The following SNTG1 variants were observed in gnomAD, a reference collection of about 807,000 sequenced individuals.
SNTG1 encodes the protein syntrophin gamma 1.
SNTG1 carries 39 observed loss-of-function variants against 74.7 expected under a neutral mutation model. The observed-to-expected ratio is 0.52, with a 90% confidence interval of 0.40 to 0.68. SNTG1 has a LOEUF of 0.68. Ranked by LOEUF, SNTG1 falls within the 30% of genes least tolerant of loss-of-function variation. The probability of loss-of-function intolerance (pLI) is 0.00; values close to 1 mark genes in which losing one functional copy is unlikely to be tolerated. For synonymous variants in SNTG1, 254 were observed against 217.1 expected (o/e 1.17, Z -1.49); for missense variants, 685 against 609.5 (o/e 1.12, Z -1.30).
chr8:50,766,238 C>A (rs1008914064), intron 18 of SNTG1, among the ~76,000 whole-genome samples: 2 of 151,986 alleles, frequency 1.3e-5, no homozygotes, highest in Non-Finnish European at 2.9e-5. Flanking sequence ...GTCAAATTTT[C>A]TATTTCTTGC....
At chr8:50,454,571 G>T (rs1349355162) in intron 8 of SNTG1, among the ~76,000 whole-genome samples, 3 of 152,004 alleles carry the variant, frequency 2.0e-5, no homozygotes, top group African/African-American at 7.2e-5. Flanking sequence ...GCAGGGCGTG[G>T]TGGCTCACGC....
chr8:50,366,502 T>C (rs923177193), intron 2 of SNTG1, among the ~76,000 whole-genome samples: 48 of 152,086 alleles, frequency 3.2e-4, no homozygotes, highest in African/African-American at 1.1e-3. Context: ...GAAAAATTCA[T>C]AATCCTGAGT....
At chr8:49,954,712 A>G (rs963448560) in intron 1 of SNTG1, among the ~76,000 whole-genome samples, 1 of 152,148 alleles carries the variant, frequency 6.6e-6, no homozygotes, top group Admixed American at 6.5e-5. Context: ...CATTATTATA[A>G]GTCCAGAGTT....
At chr8:50,438,737 T>G (rs1772663229) in intron 5 of SNTG1, 138 bp downstream of exon 5, 2 of 636,100 alleles carry the variant, frequency 3.1e-6, no homozygotes, top group South Asian at 4.1e-5. Flanking sequence ...GGGATGTAAA[T>G]TAGGTAGGTT....
chr8:49,990,584 A>G (rs1023035402), intron 1 of SNTG1, among the ~76,000 whole-genome samples: 2 of 152,078 alleles, frequency 1.3e-5, no homozygotes, highest in Admixed American at 1.3e-4. Context: ...AAAAATCAAA[A>G]TGGTGTAATA....
At chr8:50,473,991 G>A (rs957971510) in intron 8 of SNTG1, among the ~76,000 whole-genome samples, 6 of 151,820 alleles carry the variant, frequency 4.0e-5, no homozygotes, top group African/African-American at 1.5e-4. Context: ...TTCCCCACTG[G>A]CTCCACCACA....
intron 2 of SNTG1, among the ~76,000 whole-genome samples, chr8:50,222,043 C>A (rs1429717016): frequency 6.6e-6 from 1 of 152,108 alleles, no homozygotes; most frequent in African/African-American, 2.4e-5. Flanking sequence ...GGCCTTCATG[C>A]ACTGAGGCCA....
At chr8:50,211,554 A>T (rs1171071033) in intron 2 of SNTG1, among the ~76,000 whole-genome samples, 1 of 152,096 alleles carries the variant, frequency 6.6e-6, no homozygotes, top group Non-Finnish European at 1.5e-5. Flanking sequence ...GACTATTAGG[A>T]TCAGTATAAG....
At chr8:50,002,375 T>C (rs1814822778) in intron 1 of SNTG1, among the ~76,000 whole-genome samples, 1 of 152,154 alleles carries the variant, frequency 6.6e-6, no homozygotes, top group South Asian at 2.1e-4. Flanking sequence ...CTCTTATTCA[T>C]ATGTATGTAG....
At chr8:50,415,855 A>T (rs908230396) in intron 4 of SNTG1, among the ~76,000 whole-genome samples, 9 of 152,230 alleles carry the variant, frequency 5.9e-5, no homozygotes, top group Admixed American at 3.3e-4. Flanking sequence ...GAGCATTAAG[A>T]AGGTAGTGAT....
intron 13 of SNTG1, among the ~76,000 whole-genome samples, chr8:50,619,582 T>A (rs1400329184): frequency 6.6e-6 from 1 of 151,804 alleles, no homozygotes; most frequent in Admixed American, 6.6e-5. Context: ...GTATAAAAAA[T>A]TAGCTGGGCG....
chr8:50,742,899 G>A (rs2095546748), intron 17 of SNTG1, among the ~76,000 whole-genome samples: 1 of 151,748 alleles, frequency 6.6e-6, no homozygotes, highest in Non-Finnish European at 1.5e-5. Context: ...ATGAGCAATT[G>A]CATTTCAGAA....
At chr8:50,451,299 T>G (rs2093454807) in intron 8 of SNTG1, among the ~76,000 whole-genome samples, 1 of 152,220 alleles carries the variant, frequency 6.6e-6, no homozygotes, top group African/African-American at 2.4e-5. Flanking sequence ...AGGATGTGCA[T>G]AGTTTATATG....
chr8:50,692,598 C>A (rs998392060), intron 15 of SNTG1, among the ~76,000 whole-genome samples: 1 of 152,122 alleles, frequency 6.6e-6, no homozygotes, highest in Non-Finnish European at 1.5e-5. Context: ...GCTGCCTGAT[C>A]GTTCCTCTGG....
chr8:50,234,000 A>T (rs867934654), intron 2 of SNTG1, among the ~76,000 whole-genome samples: 2 of 151,950 alleles, frequency 1.3e-5, no homozygotes, highest in South Asian at 2.1e-4. Context: ...CATTTTTTAA[A>T]AATCAAACCA....
At chr8:50,278,024 T>C (rs2088215592) in intron 2 of SNTG1, among the ~76,000 whole-genome samples, 1 of 152,006 alleles carries the variant, frequency 6.6e-6, no homozygotes, top group Non-Finnish European at 1.5e-5. Flanking sequence ...AATACAAAAA[T>C]TAGCCATGCT....
chr8:50,734,497 TATG>T (rs201203078), intron 17 of SNTG1, among the ~76,000 whole-genome samples: 2,414 of 151,404 alleles, frequency 0.016, 36 homozygotes, highest in Middle Eastern at 0.035. Flanking sequence ...TTGACATATC[TATG>T]ATTTTAATGT....
intron 13 of SNTG1, among the ~76,000 whole-genome samples, chr8:50,647,301 G>A (rs1229648378): frequency 6.6e-6 from 1 of 152,004 alleles, no homozygotes; most frequent in African/African-American, 2.4e-5. Flanking sequence ...GAAAATATAT[G>A]CAAAAGGCAT....
At chr8:50,462,476 T>C (rs78121734) in intron 8 of SNTG1, among the ~76,000 whole-genome samples, 31 of 151,752 alleles carry the variant, frequency 2.0e-4, no homozygotes, top group African/African-American at 7.2e-4. Flanking sequence ...TTTCTTAAAA[T>C]AGAACAATGA....
Sources: gnomAD v4.1 joint callset for allele counts (sites outside exome capture counted in the v4.1 genomes callset) on GRCh38, gnomAD v4.1.1 for gene constraint, MANE v1.5 for transcripts, NCBI Gene and HGNC (gene_info 2026-07-23, HGNC 2026-07-21) for gene names.